CTNNA3: variants seen among roughly 807,000 people sequenced by gnomAD.
CTNNA3 encodes the protein catenin alpha-3.
A neutral mutation model predicts 95.7 loss-of-function variants in CTNNA3; 76 were observed. That is an observed-to-expected ratio of 0.79 (90% CI 0.66 to 0.96). The LOEUF (loss-of-function observed/expected upper bound fraction) is 0.96. Among genes scored for constraint, CTNNA3 ranks in the 40% least tolerant of loss-of-function variants. The probability of loss-of-function intolerance (pLI) is 0.00; values close to 1 mark genes in which losing one functional copy is unlikely to be tolerated. For synonymous variants in CTNNA3, 431 were observed against 374.4 expected (o/e 1.15, Z -1.74); for missense variants, 1,191 against 1,089.8 (o/e 1.09, Z -1.31).
At chr10:66,931,949 A>G (rs1847423244) in intron 7 of CTNNA3, among the ~76,000 whole-genome samples, 1 of 152,194 alleles carries the variant, frequency 6.6e-6, no homozygotes, top group Non-Finnish European at 1.5e-5. Flanking sequence ...GGTAGGAAAA[A>G]CAAATTTTAA....
intron 12 of CTNNA3, among the ~76,000 whole-genome samples, chr10:66,332,564 C>A (rs1361976080): frequency 5.3e-5 from 8 of 152,098 alleles, no homozygotes; most frequent in African/African-American, 1.9e-4. Flanking sequence ...GCCTTTCATC[C>A]CCGGCATGAA....
At chr10:67,727,626 C>T (rs1330968729) in intron 1 of CTNNA3, among the ~76,000 whole-genome samples, 2 of 122,000 alleles carry the variant, frequency 1.6e-5, no homozygotes, top group East Asian at 4.5e-4. Flanking sequence ...AATATATGGT[C>T]TATTATATAT....
At chr10:66,109,769 T>A (rs1390396382) in intron 13 of CTNNA3, among the ~76,000 whole-genome samples, 2 of 151,816 alleles carry the variant, frequency 1.3e-5, no homozygotes, top group Non-Finnish European at 2.9e-5. Context: ...AGAAAATGTA[T>A]GAAAATGAGT....
At chr10:67,179,589 G>T (rs1564947213) in intron 7 of CTNNA3, among the ~76,000 whole-genome samples, 1 of 151,972 alleles carries the variant, frequency 6.6e-6, no homozygotes, top group Non-Finnish European at 1.5e-5. Context: ...AGCACTTTGG[G>T]AGGCCAAGGT....
At chr10:65,969,067 G>A (rs1330677393) in intron 16 of CTNNA3, among the ~76,000 whole-genome samples, 1 of 152,070 alleles carries the variant, frequency 6.6e-6, no homozygotes, top group Non-Finnish European at 1.5e-5. Context: ...TACACCCATC[G>A]GTATTGGTCA....
At chr10:65,961,553 G>T (rs2077844306) in intron 17 of CTNNA3, among the ~76,000 whole-genome samples, 2 of 152,082 alleles carry the variant, frequency 1.3e-5, no homozygotes, top group South Asian at 2.1e-4. Context: ...GTACTGCTGT[G>T]ATTTTGGTAA....
At position 65,999,189 on chromosome 10, in the gene CTNNA3, T is replaced by C. The variant is rs565771242; in HGVS notation, c.2160-10392A>G. ...TACATGGTTATGTTCAAGTAAGGCA[T>C]TGCATTTCATTATTTCAATGCATCT... On this transcript the variant is annotated intron_variant, in intron 15 of 17. Transcript: ENST00000433211. 2.0e-5 allele frequency among the ~76,000 whole-genome samples: 3 copies of C among 152,276 alleles called. No homozygotes were observed. In the East Asian group the frequency reaches 5.8e-4, roughly 29 times the overall value.
chr10:66,952,937 G>C (rs1156581951), intron 7 of CTNNA3, among the ~76,000 whole-genome samples: 3 of 151,992 alleles, frequency 2.0e-5, no homozygotes, highest in African/African-American at 7.2e-5. Flanking sequence ...CAGAATGCAA[G>C]GTATCCTTTG....
intron 17 of CTNNA3, among the ~76,000 whole-genome samples, chr10:65,930,699 T>C (rs546179899): frequency 2.6e-5 from 4 of 152,292 alleles, no homozygotes; most frequent in African/African-American, 9.6e-5. Context: ...TTCAAAGAAA[T>C]GTTTGTACAA....
chr10:66,038,873 T>A (rs2079621886), intron 15 of CTNNA3, among the ~76,000 whole-genome samples: 1 of 152,110 alleles, frequency 6.6e-6, no homozygotes, highest in African/African-American at 2.4e-5. Context: ...CTATTCAACA[T>A]AGAATTGAAA....
chr10:66,431,303 G>C (rs2093293524), intron 11 of CTNNA3, among the ~76,000 whole-genome samples: 1 of 152,182 alleles, frequency 6.6e-6, no homozygotes, highest in South Asian at 2.1e-4. Flanking sequence ...TGGTGGGACT[G>C]TAAACTAGTT....
intron 13 of CTNNA3, among the ~76,000 whole-genome samples, chr10:66,237,102 C>A (rs1394787961): frequency 6.6e-6 from 1 of 152,024 alleles, no homozygotes; most frequent in Non-Finnish European, 1.5e-5. Flanking sequence ...TGCAACAGAG[C>A]AAGGTCATGT....
rs1358389906 is a variant in CTNNA3 at position 66,360,818 on chromosome 10, TTTCTTTCTTTCTTTC to T, written c.1732+18319_1732+18333del. 6.7e-4 allele frequency among the ~76,000 whole-genome samples: 48 copies of T among 71,140 alleles called. 2 individuals are homozygous for T. Among genetic ancestry groups the T allele is most frequent in the East Asian group, 3.7e-3 (9 of 2,402 alleles). The allele number at this position is 71,140 out of a possible 152,430, so 46.7% of individuals were successfully genotyped here. ...CTTCCTTCCTTCCTTCCTTCCTTCC[TTTCTTTCTTTCTTTC>T]TTTCTTTCTTTCTTTCTTTCTTTCC... is the stretch of plus-strand genomic sequence containing the variant. On this transcript the variant is annotated intron_variant, in intron 12 of 17. Transcript: ENST00000433211.
intron 1 of CTNNA3, among the ~76,000 whole-genome samples, chr10:67,689,749 C>CT (rs1840806403): frequency 6.6e-6 from 1 of 152,122 alleles, no homozygotes; most frequent in Non-Finnish European, 1.5e-5. Flanking sequence ...CCAACATTCC[C>CT]AACTCCATAG....
chr10:67,143,980 C>T (rs530241909), intron 7 of CTNNA3, among the ~76,000 whole-genome samples: 2 of 152,212 alleles, frequency 1.3e-5, no homozygotes, highest in Non-Finnish European at 1.5e-5. Flanking sequence ...CAGCGAGTAT[C>T]GCCTTACAAA....
rs753973882 is a variant in CTNNA3 at position 66,553,517 on chromosome 10, C to CTTTTT, written c.1375-32749_1375-32745dup. On this transcript the variant is annotated intron_variant, in intron 10 of 17. Coordinates refer to ENST00000433211, the MANE Select transcript of CTNNA3 (RefSeq NM_013266.4). ...AGATCTAATGATGAACAATACTTTTCTTTTTTTTTTTTTTTTTTTTTTTTT... is the reference window on the plus strand; with the variant it reads ...AGATCTAATGATGAACAATACTTTTCTTTTTTTTTTTTTTTTTTTTTTTTTTTTTT... Among the ~76,000 whole-genome samples, 11 of 52,224 alleles carry CTTTTT rather than the reference C, an allele frequency of 2.1e-4. 4 individuals carry two copies. The East Asian group carries it at 3.7e-3, about 18-fold the overall frequency. The allele number at this position is 52,224 out of a possible 152,430, so 34.3% of individuals were successfully genotyped here.
At chr10:66,373,849 A>G (rs1012843355) in intron 12 of CTNNA3, among the ~76,000 whole-genome samples, 3 of 152,238 alleles carry the variant, frequency 2.0e-5, no homozygotes, top group African/African-American at 4.8e-5. Context: ...TTCATGATCA[A>G]TTGTTCAAAA....
At chr10:66,538,252 G>T (rs1372610508) in intron 10 of CTNNA3, among the ~76,000 whole-genome samples, 1 of 151,992 alleles carries the variant, frequency 6.6e-6, no homozygotes, top group African/African-American at 2.4e-5. Flanking sequence ...TTCGGCTAGT[G>T]ATCAAAAAAA....
chr10:67,298,802 T>G (rs376740304), intron 5 of CTNNA3, among the ~76,000 whole-genome samples: 2 of 152,230 alleles, frequency 1.3e-5, no homozygotes, highest in Non-Finnish European at 2.9e-5. Flanking sequence ...TATGTGCAAA[T>G]AGCATCACAA....
Sources: allele counts gnomAD v4.1 joint callset (sites outside exome capture counted in the v4.1 genomes callset), GRCh38; gene constraint gnomAD v4.1.1; transcripts MANE v1.5; gene names NCBI Gene and HGNC (gene_info 2026-07-23, HGNC 2026-07-21).